The following SPOCK3 variants were observed in gnomAD, a reference collection of about 807,000 sequenced individuals.
SPOCK3 encodes SPARC (osteonectin), cwcv and kazal like domains proteoglycan 3.
Under a neutral mutation model 56.6 loss-of-function variants are expected in SPOCK3, and 30 were observed. The observed-to-expected ratio is 0.53, with a 90% CI of 0.40 to 0.72. The LOEUF is 0.72. Among genes scored for constraint, SPOCK3 ranks in the 30% least tolerant of loss-of-function variants. The pLI is 0.00. For missense variants in SPOCK3, 527 were observed against 530.0 expected (o/e 0.99, Z 0.06); for synonymous variants, 196 against 183.3 (o/e 1.07, Z -0.56).
At chr4:167,223,674 G>T (rs1434693096) in intron 2 of SPOCK3, among the ~76,000 whole-genome samples, 1 of 151,946 alleles carries the variant, frequency 6.6e-6, no homozygotes, top group Admixed American at 6.6e-5. Flanking sequence ...AACTAGTCAG[G>T]CACAGTGAAT....
At chr4:166,975,699 A>C (rs1745867901) in intron 4 of SPOCK3, among the ~76,000 whole-genome samples, 1 of 151,136 alleles carries the variant, frequency 6.6e-6, no homozygotes, top group Non-Finnish European at 1.5e-5. Context: ...TCATCCTTCT[A>C]CTCTCTATCT....
rs1356774043 is a variant in SPOCK3 at position 166,761,921 on chromosome 4, A to AAAAAAG, written c.710-7193_710-7192insCTTTTT. 5.3e-5 allele frequency among the ~76,000 whole-genome samples: 8 copies of AAAAAAG among 150,760 alleles called. 2 individuals carry two copies. Among genetic ancestry groups the AAAAAAG allele is most frequent in the African/African-American group, 2.0e-4 (8 of 40,810 alleles). ...AAAAAAAAAAAAAAAAAAAAAAAAAAAGAGATTTGGGGGCTTGAAAAATTT... is the reference window on the plus strand; with the variant it reads ...AAAAAAAAAAAAAAAAAAAAAAAAAAAAAAAGAGAGATTTGGGGGCTTGAAAAATTT... On this transcript the variant is annotated intron_variant, in intron 7 of 10. Transcript: ENST00000357545.
chr4:166,901,152 G>A (rs866928131), intron 5 of SPOCK3, among the ~76,000 whole-genome samples: 1 of 152,118 alleles, frequency 6.6e-6, no homozygotes, highest in East Asian at 1.9e-4. Flanking sequence ...AACACCATCA[G>A]ACGTCTTTCC....
intron 4 of SPOCK3, among the ~76,000 whole-genome samples, chr4:166,967,094 G>C (rs1744820251): frequency 6.6e-6 from 1 of 152,088 alleles, no homozygotes. Flanking sequence ...GCTGATTTAT[G>C]AAGTACTTCC....
intron 3 of SPOCK3, among the ~76,000 whole-genome samples, chr4:167,020,635 A>G (rs997707213): frequency 6.6e-6 from 1 of 152,036 alleles, no homozygotes; most frequent in African/African-American, 2.4e-5. Flanking sequence ...CCCTTACCAG[A>G]TGCCAGTGCC....
At chr4:167,076,574 T>C (rs1181153638) in intron 2 of SPOCK3, among the ~76,000 whole-genome samples, 1 of 151,846 alleles carries the variant, frequency 6.6e-6, no homozygotes, top group Non-Finnish European at 1.5e-5. Flanking sequence ...CTACACACAG[T>C]AGAAGATTTT....
At chr4:167,057,103 C>T (rs1754976957) in intron 3 of SPOCK3, among the ~76,000 whole-genome samples, 2 of 152,190 alleles carry the variant, frequency 1.3e-5, no homozygotes, top group African/African-American at 4.8e-5. Flanking sequence ...AGAAACTCTA[C>T]AAGCCAGAAG....
At chr4:167,214,423 C>T (rs1413637875) in intron 2 of SPOCK3, among the ~76,000 whole-genome samples, 2 of 151,890 alleles carry the variant, frequency 1.3e-5, no homozygotes, top group Non-Finnish European at 2.9e-5. Flanking sequence ...AACAGTTTAG[C>T]GAGAAATTAT....
chr4:167,178,341 A>G (rs2150483087), intron 2 of SPOCK3, among the ~76,000 whole-genome samples: 1 of 152,300 alleles, frequency 6.6e-6, no homozygotes, highest in South Asian at 2.1e-4. Flanking sequence ...ATTCTTCCAT[A>G]TAAATAACAA....
intron 9 of SPOCK3, among the ~76,000 whole-genome samples, chr4:166,739,008 T>C (rs1481963815): frequency 6.6e-6 from 1 of 151,992 alleles, no homozygotes; most frequent in Non-Finnish European, 1.5e-5. Context: ...CTGGGTCAAA[T>C]GGTATTTCTA....
chr4:166,873,452 TTGCAGTA>T, intron 6 of SPOCK3, among the ~76,000 whole-genome samples: 1 of 152,218 alleles, frequency 6.6e-6, no homozygotes, highest in Middle Eastern at 3.4e-3. Context: ...AATGATGCAA[TTGCAGTA>T]TGATGGAGGA....
chr4:166,754,161 T>C (rs969537620), intron 8 of SPOCK3: 13 of 1,012,732 alleles, frequency 1.3e-5, no homozygotes, highest in African/African-American at 3.4e-5. Flanking sequence ...AATCCATTTA[T>C]TTTACATTGT....
intron 6 of SPOCK3, among the ~76,000 whole-genome samples, chr4:166,824,496 T>C (rs1745253135): frequency 1.3e-5 from 2 of 152,078 alleles, no homozygotes; most frequent in Non-Finnish European, 2.9e-5. Context: ...TGAATGAGCA[T>C]GTGATCCAGT....
intron 4 of SPOCK3, among the ~76,000 whole-genome samples, chr4:166,953,693 C>A (rs1053272176): frequency 2.2e-4 from 33 of 152,116 alleles, no homozygotes; most frequent in Non-Finnish European, 4.0e-4. Flanking sequence ...CCCAAATGTC[C>A]AACAATGATA....
intron 4 of SPOCK3, among the ~76,000 whole-genome samples, chr4:166,972,784 A>C (rs1176898761): frequency 6.6e-6 from 1 of 151,576 alleles, no homozygotes; most frequent in Non-Finnish European, 1.5e-5. Flanking sequence ...AAAATAATAT[A>C]AAATATATAA....
chr4:167,177,957 T>C (rs1731127811), intron 2 of SPOCK3, among the ~76,000 whole-genome samples: 1 of 152,196 alleles, frequency 6.6e-6, no homozygotes, highest in Admixed American at 6.5e-5. Flanking sequence ...CCTCTTTTTC[T>C]GTCTCTGAAT....
intron 4 of SPOCK3, among the ~76,000 whole-genome samples, chr4:166,921,523 G>A (rs1738484297): frequency 6.6e-6 from 1 of 151,932 alleles, no homozygotes; most frequent in Non-Finnish European, 1.5e-5. Context: ...TCACCATGTT[G>A]GCCAGGATAG....
At chr4:167,197,621 A>T (rs1221922028) in intron 2 of SPOCK3, among the ~76,000 whole-genome samples, 1 of 151,876 alleles carries the variant, frequency 6.6e-6, no homozygotes, top group Non-Finnish European at 1.5e-5. Flanking sequence ...AAAAAAAAAA[A>T]ATCCCACAAA....
At chr4:167,174,874 A>C (rs1339458692) in intron 2 of SPOCK3, among the ~76,000 whole-genome samples, 3 of 152,110 alleles carry the variant, frequency 2.0e-5, no homozygotes, top group Non-Finnish European at 2.9e-5. Context: ...ATGAGAAACT[A>C]ATCTTTTTTT....
Sources: allele counts gnomAD v4.1 joint callset (sites outside exome capture counted in the v4.1 genomes callset), GRCh38; gene constraint gnomAD v4.1.1; transcripts MANE v1.5; gene names NCBI Gene and HGNC (gene_info 2026-07-23, HGNC 2026-07-21).